SKP2: variants seen among roughly 807,000 people sequenced by gnomAD.
The protein encoded by SKP2 is S-phase kinase associated protein 2, also known as S-phase kinase-associated protein 2.
SKP2 carries 16 observed loss-of-function variants against 51.8 expected under a neutral mutation model. That is an observed-to-expected ratio of 0.31 (90% CI 0.21 to 0.47). SKP2 has a LOEUF of 0.47. Among genes scored for constraint, SKP2 ranks in the 20% least tolerant of loss-of-function variants. The probability of loss-of-function intolerance (pLI) is 1.00; values close to 1 mark genes in which losing one functional copy is unlikely to be tolerated. For synonymous variants in SKP2, 176 were observed against 198.6 expected (o/e 0.89, Z 0.96); for missense variants, 377 against 505.3 (o/e 0.75, Z 2.43).
At position 36,168,269 on chromosome 5, in the gene SKP2, C is replaced by T. The variant is rs28496554; in HGVS notation, c.537-44C>T. ...GGTCTGGTTTGAAATTGGATGTACC[C>T]GTGAGAGCCACCTATGGAGCTCCTT... is the stretch of plus-strand genomic sequence containing the variant. On this transcript the variant is annotated intron_variant, in intron 4 of 9. Coordinates refer to ENST00000274255, the MANE Select transcript of SKP2 (RefSeq NM_005983.4). The T allele has an allele frequency of 3.8e-3, 6,079 of 1,595,438 alleles. 209 individuals carry two copies. The African/African-American group carries it at 0.073, about 19-fold the overall frequency.
Position 36,183,957 on chromosome 5 carries a change from A to T in SKP2, c.*1926A>T. The T allele has an allele frequency of 7.5e-6, 12 of 1,610,424 alleles. No individual in the cohort carries two copies. The highest frequency in any genetic ancestry group is 1.0e-5 in the Non-Finnish European group (12 of 1,178,782). On this transcript the variant is annotated 3_prime_UTR_variant, in exon 10 of 10. Transcript: ENST00000274255. Reference sequence around the variant, plus strand: ...AGCTATTTTGCCAACATGTCAGAGTAATCTGTATTTTTGTATGTGATTTCT... The same window carrying T: ...AGCTATTTTGCCAACATGTCAGAGTTATCTGTATTTTTGTATGTGATTTCT...
intron 9 of SKP2, chr5:36,180,103 C>T: frequency 2.2e-6 from 1 of 454,930 alleles, no homozygotes. Flanking sequence ...AACATGTCCT[C>T]CTCTGCCATC....
intron 2 of SKP2, among the ~76,000 whole-genome samples, chr5:36,159,634 G>C (rs1255756783): frequency 6.6e-6 from 1 of 152,200 alleles, no homozygotes; most frequent in Non-Finnish European, 1.5e-5. Flanking sequence ...GGTTGAGACA[G>C]CTCTGGGGTA....
At chr5:36,165,588 G>A (rs1439381082) in intron 3 of SKP2, among the ~76,000 whole-genome samples, 1 of 152,054 alleles carries the variant, frequency 6.6e-6, no homozygotes, top group Non-Finnish European at 1.5e-5. Context: ...ACAAAAGTGT[G>A]CCACTCTCTT....
chr5:36,190,963 C>T (rs890549344), intron 6 of SKP2, among the ~76,000 whole-genome samples: 23 of 152,160 alleles, frequency 1.5e-4, no homozygotes, highest in Non-Finnish European at 1.5e-5. Flanking sequence ...TTATTTTGCT[C>T]AGGATCCAAA....
chr5:36,179,232 C>G (rs181904931), intron 9 of SKP2, among the ~76,000 whole-genome samples: 52 of 152,132 alleles, frequency 3.4e-4, no homozygotes, highest in Non-Finnish European at 6.8e-4. Flanking sequence ...TTAAAAGTTT[C>G]TTGAGATAAA....
intron 3 of SKP2, among the ~76,000 whole-genome samples, chr5:36,164,360 AAC>A (rs1303833107): frequency 2.0e-5 from 3 of 152,154 alleles, no homozygotes; most frequent in African/African-American, 7.2e-5. Context: ...TTTTTTTGGC[AAC>A]ACTTTTCAAG....
At chr5:36,152,352 A>T (rs1744759451) in intron 1 of SKP2, 82 bp downstream of exon 1, 14 of 1,291,286 alleles carry the variant, frequency 1.1e-5, no homozygotes, top group Non-Finnish European at 1.6e-5. Flanking sequence ...GCTACTGGCT[A>T]ATATTGTTAG....
chr5:36,167,023 C>A (rs997373087), intron 4 of SKP2, among the ~76,000 whole-genome samples: 3 of 151,954 alleles, frequency 2.0e-5, no homozygotes, highest in African/African-American at 7.3e-5. Context: ...ATGCCCATTT[C>A]TGATAAATAA....
chr5:36,154,047 C>T (rs1268483418), intron 2 of SKP2, among the ~76,000 whole-genome samples: 1 of 152,210 alleles, frequency 6.6e-6, no homozygotes, highest in African/African-American at 2.4e-5. Context: ...TCTCAGGGAG[C>T]ATCCATTCTA....
chr5:36,183,029 T>C lies in SKP2; in HGVS notation c.*998T>C. The C allele has an allele frequency of 1.0e-6, 1 of 955,666 alleles. No individual in the cohort carries two copies. The highest frequency in any genetic ancestry group is 1.2e-6 in the Non-Finnish European group (1 of 803,012). The allele number at this position is 955,666 out of a possible 1,614,324, so 59.2% of individuals were successfully genotyped here. A position where few individuals can be genotyped will look rare whatever the true frequency, so the allele number is the denominator to read the frequency against. On this transcript the variant is annotated 3_prime_UTR_variant, in exon 10 of 10. Coordinates refer to ENST00000274255, the MANE Select transcript of SKP2 (RefSeq NM_005983.4). ...TTAAATGATCTCTCAGCAATAATTG[T>C]TTGAAACTATCCATATATAAGGTTA...
At chr5:36,185,878 T>C (rs1745950240), downstream of SKP2, among the ~76,000 whole-genome samples, 1 of 152,182 alleles carries the variant, frequency 6.6e-6, no homozygotes, top group Non-Finnish European at 1.5e-5. Flanking sequence ...ATTCTTCCTA[T>C]CCATGAGCAT....
At chr5:36,187,175 C>G (rs1343756860), downstream of SKP2, among the ~76,000 whole-genome samples, 1 of 151,876 alleles carries the variant, frequency 6.6e-6, no homozygotes, top group Non-Finnish European at 1.5e-5. Flanking sequence ...TTGATCTTTT[C>G]AAAAAAACCA....
At chr5:36,162,487 A>T (rs1745153727) in intron 2 of SKP2, among the ~76,000 whole-genome samples, 1 of 152,218 alleles carries the variant, frequency 6.6e-6, no homozygotes. Flanking sequence ...TTTTCTGCAC[A>T]GCACAGATCA....
intron 7 of SKP2, chr5:36,192,802 T>C (rs1179739070): frequency 6.6e-6 from 1 of 152,166 alleles, no homozygotes; most frequent in East Asian, 1.9e-4. Flanking sequence ...GGGGAAACAC[T>C]TCTGAAACAT....
At chr5:36,188,054 C>A (rs557001556), downstream of SKP2, among the ~76,000 whole-genome samples, 1 of 152,158 alleles carries the variant, frequency 6.6e-6, no homozygotes, top group Admixed American at 6.5e-5. Flanking sequence ...GGATTGCAAC[C>A]CCTGCCTTTT....
intron 6 of SKP2, among the ~76,000 whole-genome samples, chr5:36,191,910 G>A (rs1261809856): frequency 6.7e-6 from 1 of 149,592 alleles, no homozygotes; most frequent in Non-Finnish European, 1.5e-5. Context: ...TAATATTATG[G>A]ATAACTCAAA....
At chr5:36,180,177 T>C in intron 9 of SKP2, 1 of 749,192 alleles carries the variant, frequency 1.3e-6, no homozygotes, top group Non-Finnish European at 2.1e-6. Flanking sequence ...CAGTGCAGAA[T>C]GGCTCACAAT....
Position 36,182,101 on chromosome 5 carries a change from T to A in SKP2, c.*70T>A, listed in dbSNP as rs574618639. The A allele has an allele frequency of 6.4e-7, 1 of 1,558,746 alleles. No homozygotes were observed. The highest frequency in any genetic ancestry group is 1.9e-5 in the Admixed American group (1 of 52,334). On this transcript the variant is annotated 3_prime_UTR_variant, in exon 10 of 10. Coordinates refer to ENST00000274255, the MANE Select transcript of SKP2 (RefSeq NM_005983.4). ...TAGGCAGGAAGCCCAATTGCTGGAG[T>A]ACTTAGCTAGTTTTATTCTTGGTTT...
Sources: gnomAD v4.1 joint callset for allele counts (sites outside exome capture counted in the v4.1 genomes callset) on GRCh38, gnomAD v4.1.1 for gene constraint, MANE v1.5 for transcripts, NCBI Gene and HGNC (gene_info 2026-07-23, HGNC 2026-07-21) for gene names.